OSTN: variants seen among roughly 807,000 people sequenced by gnomAD.
OSTN encodes the protein osteocrin.
OSTN carries 9 observed loss-of-function variants against 12.0 expected under a neutral mutation model. The observed-to-expected ratio is 0.75, with a 90% CI of 0.45 to 1.30. The LOEUF is 1.30. OSTN is among the 50% of genes most tolerant of loss of function. The pLI is 0.00. For missense variants in OSTN, 148 were observed against 152.3 expected (o/e 0.97, Z 0.15); for synonymous variants, 59 against 56.9 (o/e 1.04, Z -0.16).
chr3:191,234,036 A>G (rs1200526144), intron 3 of OSTN, among the ~76,000 whole-genome samples: 1 of 152,186 alleles, frequency 6.6e-6, no homozygotes, highest in Non-Finnish European at 1.5e-5. Flanking sequence ...TTTCTAAATA[A>G]TGGTTTCTCT....
At chr3:191,241,924 A>C (rs1216932122) in intron 3 of OSTN, among the ~76,000 whole-genome samples, 1 of 152,206 alleles carries the variant, frequency 6.6e-6, no homozygotes, top group Non-Finnish European at 1.5e-5. Context: ...AGAACAAGAA[A>C]AGAAAATTGT....
At chr3:191,245,883 T>C (rs948575569) in intron 3 of OSTN, among the ~76,000 whole-genome samples, 6 of 151,702 alleles carry the variant, frequency 4.0e-5, no homozygotes, top group African/African-American at 1.2e-4. Flanking sequence ...CTGGCCAACA[T>C]AGTGAAACCC....
chr3:191,242,424 T>C (rs1403318513), intron 3 of OSTN, among the ~76,000 whole-genome samples: 1 of 152,234 alleles, frequency 6.6e-6, no homozygotes, highest in Non-Finnish European at 1.5e-5. Flanking sequence ...AATACAATTC[T>C]AGTCAAAGCA....
intron 4 of OSTN, among the ~76,000 whole-genome samples, chr3:191,258,494 C>T (rs1025567729): frequency 9.3e-5 from 14 of 149,802 alleles, no homozygotes; most frequent in Middle Eastern, 3.2e-3. Flanking sequence ...CCTGTCGGGG[C>T]GTAGGAGGCA....
chr3:191,228,894 A>C (rs1290528053), intron 3 of OSTN: 1 of 152,182 alleles, frequency 6.6e-6, no homozygotes, highest in African/African-American at 2.4e-5. Context: ...TGCAAACCCT[A>C]ATGAAATGAT....
At position 191,212,563 on chromosome 3, in the gene OSTN, T is replaced by A. The variant is rs1436846632; in HGVS notation, c.31T>A (p.Phe11Ile). 6.3e-7 allele frequency: 1 copy of A among 1,594,600 alleles called. No homozygotes were observed. The highest frequency in any genetic ancestry group is 1.3e-5 in the African/African-American group (1 of 74,606). MLDWRLASAH[F>I]ILAVTLTLWS... The stretch of plus-strand genomic sequence containing the variant: ...GGACTGGAGATTGGCAAGTGCACAT[T>A]TCATCCTGGCTGTGACACTGACACT... Residue 11 changes from phenylalanine (F) to isoleucine (I), a missense_variant, in exon 2 of 5, where the codon TTC becomes ATC. Coordinates refer to ENST00000682035, the MANE Select transcript of OSTN (RefSeq NM_198184.2).
chr3:191,200,619 CT>C (rs1356038706), intron 1 of OSTN, among the ~76,000 whole-genome samples: 3 of 151,730 alleles, frequency 2.0e-5, no homozygotes, highest in Non-Finnish European at 4.4e-5. Context: ...CGAATTAAGG[CT>C]TGATAATATT....
chr3:191,230,468 G>C (rs1163657757), intron 3 of OSTN, among the ~76,000 whole-genome samples: 3 of 150,972 alleles, frequency 2.0e-5, no homozygotes, highest in African/African-American at 7.3e-5. Flanking sequence ...GGAGGCTGAG[G>C]CAGGGAAATC....
chr3:191,220,220 C>G (rs961229909), intron 3 of OSTN, among the ~76,000 whole-genome samples: 15 of 152,022 alleles, frequency 9.9e-5, no homozygotes, highest in African/African-American at 3.4e-4. Flanking sequence ...TTTGCTATAC[C>G]TCTGTTCTGA....
chr3:191,218,997 T>A (rs1255520995), intron 3 of OSTN, 36 bp downstream of exon 3: 3 of 1,535,008 alleles, frequency 2.0e-6, no homozygotes, highest in Non-Finnish European at 2.7e-6. Flanking sequence ...TTTTATTTTC[T>A]AATTATTTCC....
intron 4 of OSTN, among the ~76,000 whole-genome samples, chr3:191,255,074 G>C (rs539914899): frequency 6.6e-6 from 1 of 152,292 alleles, no homozygotes; most frequent in South Asian, 2.1e-4. Flanking sequence ...CAGGGGGCAG[G>C]GGAGGAAATG....
In OSTN at chr3:191,264,663, A is replaced by G. The variant is rs545149484; in HGVS notation, c.*1810A>G. On this transcript the variant is annotated 3_prime_UTR_variant, in exon 5 of 5. Transcript: ENST00000682035. ...TGATATCCTTGTCTGCCTTTCCCCA[A>G]CCTTGTGATGAACTATAGAAATGTT... is the stretch of plus-strand genomic sequence containing the variant. 1 of 152,242 alleles carries G rather than the reference A, an allele frequency of 6.6e-6. No homozygotes were observed. Among genetic ancestry groups the G allele is most frequent in the African/African-American group, 2.4e-5 (1 of 41,550 alleles). 9.4% of individuals were successfully genotyped at this position (152,242 alleles called of 1,614,324 possible).
intron 3 of OSTN, among the ~76,000 whole-genome samples, chr3:191,232,229 G>C (rs1476739457): frequency 6.6e-6 from 1 of 150,484 alleles, no homozygotes; most frequent in Non-Finnish European, 1.5e-5. Flanking sequence ...TACTCGGGAG[G>C]CTGAGGCATG....
At chr3:191,254,193 C>A (rs2108554241) in intron 4 of OSTN, among the ~76,000 whole-genome samples, 1 of 152,186 alleles carries the variant, frequency 6.6e-6, no homozygotes, top group South Asian at 2.1e-4. Flanking sequence ...AGAAGTATTT[C>A]TAAGGAAATA....
At chr3:191,244,718 C>A (rs931875300) in intron 3 of OSTN, among the ~76,000 whole-genome samples, 1 of 149,302 alleles carries the variant, frequency 6.7e-6, no homozygotes, top group Admixed American at 6.7e-5. Context: ...TTTAACCAGG[C>A]TATTATGGTT....
At position 191,201,029 on chromosome 3, in the gene OSTN, G is replaced by A. The variant is rs181135646; in HGVS notation, c.-1+1722G>A. ...AGCTACAACAAGGTGCTAACTCTGG[G>A]TATCTCTCTTAAATGAACCAACTCT... is the stretch of plus-strand genomic sequence containing the variant. On this transcript the variant is annotated intron_variant, in intron 1 of 4. Coordinates refer to ENST00000682035, the MANE Select transcript of OSTN (RefSeq NM_198184.2). 2.6e-5 allele frequency among the ~76,000 whole-genome samples: 4 copies of A among 152,244 alleles called. No homozygotes were observed. The East Asian group carries it at 7.7e-4, about 29-fold the overall frequency.
chr3:191,265,117 A>G lies in OSTN; in HGVS notation c.*2264A>G, dbSNP rs1292252966. ...TAAATAATGGGGCTATTCTTTTAAC[A>G]TAGCAGTAAATTAAGACAGAATTTT... On this transcript the variant is annotated 3_prime_UTR_variant, in exon 5 of 5. Transcript: ENST00000682035. 1 of 152,198 alleles carries G rather than the reference A, an allele frequency of 6.6e-6. No individual in the cohort carries two copies. The highest frequency in any genetic ancestry group is 2.4e-5 in the African/African-American group (1 of 41,462). 9.4% of individuals were successfully genotyped at this position (152,198 alleles called of 1,614,324 possible).
rs1714692482 is a variant in OSTN at position 191,218,882 on chromosome 3, A to C, written c.238A>C (p.Lys80Gln). Residue 80 changes from lysine to glutamine, a missense_variant, in exon 3 of 5, where the codon AAG becomes CAG. Coordinates refer to ENST00000682035, the MANE Select transcript of OSTN (RefSeq NM_198184.2). Reference sequence around the variant, plus strand: ...AGAAAATGATGTGATTGAGACAAAGAAGAAAAGGAGTTTCTCTGGTTTTGG... The same window carrying C: ...AGAAAATGATGTGATTGAGACAAAGCAGAAAAGGAGTTTCTCTGGTTTTGG... ...SLENDVIETK[K>Q]KRSFSGFGSP... The C allele has an allele frequency of 6.2e-7, 1 of 1,614,022 alleles. No individual in the cohort carries two copies. The highest frequency in any genetic ancestry group is 1.3e-5 in the African/African-American group (1 of 74,922).
intron 1 of OSTN, among the ~76,000 whole-genome samples, chr3:191,208,362 A>G (rs1392895640): frequency 6.6e-6 from 1 of 152,204 alleles, no homozygotes; most frequent in Non-Finnish European, 1.5e-5. Flanking sequence ...GTAGCAATCA[A>G]GTTTCAACTA....
Sources: gnomAD v4.1 joint callset for allele counts (sites outside exome capture counted in the v4.1 genomes callset) on GRCh38, gnomAD v4.1.1 for gene constraint, MANE v1.5 for transcripts, NCBI Gene and HGNC (gene_info 2026-07-23, HGNC 2026-07-21) for gene names.